The following RBP2 variants were observed in gnomAD, a reference collection of about 807,000 sequenced individuals.
RBP2 encodes the protein retinol-binding protein 2.
Under a neutral mutation model 17.0 loss-of-function variants are expected in RBP2, and 17 were observed. That is an observed-to-expected ratio of 1.00 (90% CI 0.68 to 1.50). The LOEUF (loss-of-function observed/expected upper bound fraction) is 1.50, where lower values mean the gene tolerates loss of function less well. RBP2 is among the 40% of genes most tolerant of loss of function. RBP2 has a pLI of 0.00. For missense variants in RBP2, 158 were observed against 168.2 expected, an observed-to-expected ratio of 0.94 and a Z score of 0.33; for synonymous variants, 48 against 57.1, an observed-to-expected ratio of 0.84 and a Z score of 0.72.
At chr3:139,457,674 G>A (rs1933020683) in intron 2 of RBP2, among the ~76,000 whole-genome samples, 1 of 152,118 alleles carries the variant, frequency 6.6e-6, no homozygotes, top group Non-Finnish European at 1.5e-5. Context: ...CTTTTAGTTG[G>A]TGCCCTTCAT....
Position 139,453,078 on chromosome 3 carries a change from G to A in RBP2, c.*38C>T. The A allele has an allele frequency of 6.2e-7, 1 of 1,613,008 alleles. No homozygotes were observed. Among genetic ancestry groups the A allele is most frequent in the Non-Finnish European group, 8.5e-7 (1 of 1,178,958 alleles). ...GCCAGTAGACCACTCAGTGTGGGCA[G>A]TGGGGAGCTTGTGCTTGGCAGGCCT... On this transcript the variant is annotated 3_prime_UTR_variant, in exon 4 of 4. Coordinates refer to ENST00000232217, the MANE Select transcript of RBP2 (RefSeq NM_004164.3).
At position 139,463,355 on chromosome 3, in the gene RBP2, T is replaced by C. The variant is rs199828538; in HGVS notation, c.74-1065A>G. Among the ~76,000 whole-genome samples the C allele has an allele frequency of 1.3e-4, 20 of 152,120 alleles. No homozygotes were observed. The East Asian group carries it at 3.3e-3, about 25-fold the overall frequency. On this transcript the variant is annotated intron_variant, in intron 1 of 3. Transcript: ENST00000232217. The stretch of plus-strand genomic sequence containing the variant: ...GTGCCCACCACCATGTCTGGTTAAT[T>C]TTTTGTATTTTTAATAGAGATCGGT...
chr3:139,476,424 C>T lies in RBP2; in HGVS notation c.36G>A (p.Glu12=), dbSNP rs111406295. 1 of 1,614,032 alleles carries T rather than the reference C, an allele frequency of 6.2e-7. No homozygotes were observed. Among genetic ancestry groups the T allele is most frequent in the Non-Finnish European group, 8.5e-7 (1 of 1,179,998 alleles). The change falls in exon 1 of 4, where the codon GAG becomes GAA. Residue 12 remains glutamate (E), a synonymous_variant. Coordinates refer to ENST00000232217, the MANE Select transcript of RBP2 (RefSeq NM_004164.3). ...TRDQNGTWEM[E]SNENFEGYMK... ...TGTAGCCCTCAAAGTTTTCATTACTCTCCATCTCCCAGGTTCCATTCTGGT... is the reference window on the plus strand; with the variant it reads ...TGTAGCCCTCAAAGTTTTCATTACTTTCCATCTCCCAGGTTCCATTCTGGT...
In RBP2 at chr3:139,475,414, A is replaced by G. The variant is rs114859351; in HGVS notation, c.73+973T>C. ...ATCACAGCTCTCCTTTTTCATTGAC[A>G]TGGTGGACATTTTCAAGCTAGAAGT... On this transcript the variant is annotated intron_variant, in intron 1 of 3. Coordinates refer to ENST00000232217, the MANE Select transcript of RBP2 (RefSeq NM_004164.3). Among the ~76,000 whole-genome samples the G allele has an allele frequency of 4.4e-3, 661 of 151,466 alleles. 7 individuals carry two copies. Among genetic ancestry groups the G allele is most frequent in the African/African-American group, 0.016 (641 of 41,256 alleles).
intron 1 of RBP2, among the ~76,000 whole-genome samples, chr3:139,468,832 A>G (rs1933452414): frequency 6.6e-6 from 1 of 152,194 alleles, no homozygotes; most frequent in African/African-American, 2.4e-5. Context: ...AGCCAGGTGA[A>G]ATGAATTTCT....
chr3:139,475,760 G>A (rs1289981500), intron 1 of RBP2, among the ~76,000 whole-genome samples: 1 of 152,166 alleles, frequency 6.6e-6, no homozygotes, highest in Non-Finnish European at 1.5e-5. Flanking sequence ...GCTGGGCAGG[G>A]CTATGTGTTT....
At chr3:139,454,625 G>T in intron 3 of RBP2, 104 bp downstream of exon 3, 1 of 1,044,342 alleles carries the variant, frequency 9.6e-7, no homozygotes, top group Non-Finnish European at 1.5e-6. Flanking sequence ...TGGAGCTCGG[G>T]GTAGGAGTGC....
At chr3:139,459,400 A>ATATATGTGTGTGTG (rs111417242) in intron 2 of RBP2, among the ~76,000 whole-genome samples, 3,600 of 128,490 alleles carry the variant, frequency 0.028, 72 homozygotes, top group East Asian at 0.065. Flanking sequence ...TACTATATAT[A>ATATATGTGTGTGTG]TGTGTGTGTG....
At chr3:139,464,538 G>A (rs1163572328) in intron 1 of RBP2, among the ~76,000 whole-genome samples, 1 of 152,138 alleles carries the variant, frequency 6.6e-6, no homozygotes, top group African/African-American at 2.4e-5. Flanking sequence ...CTTTGGGTCA[G>A]CAATCTGAAT....
intron 1 of RBP2, 112 bp downstream of exon 1, chr3:139,476,275 G>T: frequency 2.5e-6 from 2 of 784,854 alleles, no homozygotes; most frequent in Non-Finnish European, 2.2e-6. Flanking sequence ...CTGTACATGA[G>T]GCATGAGGAT....
chr3:139,470,763 T>C (rs957858334), intron 1 of RBP2, among the ~76,000 whole-genome samples: 13 of 152,126 alleles, frequency 8.5e-5, no homozygotes, highest in Admixed American at 7.9e-4. Context: ...ATTTTCTATT[T>C]TTTGTAGAGG....
chr3:139,454,564 C>T (rs1056874450), intron 3 of RBP2, among the ~76,000 whole-genome samples, 165 bp downstream of exon 3: 6 of 152,212 alleles, frequency 3.9e-5, no homozygotes, highest in Admixed American at 1.3e-4. Context: ...CCTGGAGTCC[C>T]CTGAGCCAGA....
chr3:139,463,694 T>C (rs1359258672), intron 1 of RBP2, among the ~76,000 whole-genome samples: 1 of 152,242 alleles, frequency 6.6e-6, no homozygotes, highest in Non-Finnish European at 1.5e-5. Context: ...AGGATAGTTC[T>C]GAAAATACTT....
chr3:139,462,347 C>A (rs551676266), intron 1 of RBP2, 57 bp from the exon 2 acceptor site: 1 of 1,548,266 alleles, frequency 6.5e-7, no homozygotes, highest in Non-Finnish European at 8.9e-7. Flanking sequence ...TCATTCATTT[C>A]GTTAACAAGA....
At chr3:139,454,377 T>C (rs1450265275) in intron 3 of RBP2, among the ~76,000 whole-genome samples, 3 of 152,168 alleles carry the variant, frequency 2.0e-5, no homozygotes, top group Non-Finnish European at 4.4e-5. Flanking sequence ...CCCATCATTA[T>C]GAGAAGGCCC....
At position 139,462,096 on chromosome 3, in the gene RBP2, C is replaced by T. The variant is rs370160368; in HGVS notation, c.252+16G>A. The T allele has an allele frequency of 4.4e-6, 7 of 1,606,502 alleles. No homozygotes were observed. The highest frequency in any genetic ancestry group is 6.0e-6 in the Non-Finnish European group (7 of 1,174,378). On this transcript the variant is annotated intron_variant, in intron 2 of 3. Coordinates refer to ENST00000232217, the MANE Select transcript of RBP2 (RefSeq NM_004164.3). ...CACAGAATGTGTGAATGAAAAACACCAGCCCCGGTCAGTACCTTAACATGC... is the reference window on the plus strand; with the variant it reads ...CACAGAATGTGTGAATGAAAAACACTAGCCCCGGTCAGTACCTTAACATGC...
At chr3:139,470,050 C>A (rs1195115239) in intron 1 of RBP2, among the ~76,000 whole-genome samples, 1 of 152,184 alleles carries the variant, frequency 6.6e-6, no homozygotes, top group African/African-American at 2.4e-5. Context: ...TTATCTCTGA[C>A]TATATCCTGA....
At chr3:139,467,296 T>A (rs1038623277) in intron 1 of RBP2, among the ~76,000 whole-genome samples, 4 of 152,132 alleles carry the variant, frequency 2.6e-5, no homozygotes, top group Non-Finnish European at 5.9e-5. Flanking sequence ...CCAGGCTGGG[T>A]GACAGAGCAA....
intron 1 of RBP2, among the ~76,000 whole-genome samples, chr3:139,462,558 AACACACACACAC>A (rs59601422): frequency 3.3e-5 from 4 of 121,348 alleles, no homozygotes; most frequent in African/African-American, 7.5e-5. Flanking sequence ...GCAGCTCCCC[AACACACACACAC>A]ACACACACAC....
Sources: allele counts gnomAD v4.1 joint callset (sites outside exome capture counted in the v4.1 genomes callset), GRCh38; gene constraint gnomAD v4.1.1; transcripts MANE v1.5; gene names NCBI Gene and HGNC (gene_info 2026-07-23, HGNC 2026-07-21).